ADD2: variants seen among roughly 807,000 people sequenced by gnomAD.
ADD2 encodes the protein adducin 2.
In ADD2, 23 loss-of-function variants were observed where a neutral mutation model predicts 83.0. That is an observed-to-expected ratio of 0.28 (90% CI 0.20 to 0.39). The LOEUF (loss-of-function observed/expected upper bound fraction) is 0.39. ADD2 is among the 10% of genes least tolerant of loss of function. The probability of loss-of-function intolerance (pLI) is 1.00; values close to 1 mark genes in which losing one functional copy is unlikely to be tolerated. For missense variants in ADD2, 758 were observed against 944.9 expected (o/e 0.80, Z 2.59); for synonymous variants, 375 against 375.4 (o/e 1.00, Z 0.01).
At chr2:70,710,125 A>T (rs1409812707) in intron 2 of ADD2, among the ~76,000 whole-genome samples, 1 of 152,234 alleles carries the variant, frequency 6.6e-6, no homozygotes, top group Non-Finnish European at 1.5e-5. Flanking sequence ...TTTTTAAAAC[A>T]GCAACAAGCA....
At chr2:70,729,243 A>G (rs1424266378) in intron 1 of ADD2, among the ~76,000 whole-genome samples, 2 of 152,094 alleles carry the variant, frequency 1.3e-5, no homozygotes, top group Non-Finnish European at 2.9e-5. Flanking sequence ...CCCACCATGC[A>G]CCATGTTCCT....
intron 2 of ADD2, among the ~76,000 whole-genome samples, chr2:70,708,709 T>C (rs1000175533): frequency 6.6e-6 from 1 of 152,192 alleles, no homozygotes; most frequent in African/African-American, 2.4e-5. Context: ...GCTGCCTCCT[T>C]ACATATTTTA....
chr2:70,717,738 T>G (rs1165194117), intron 1 of ADD2: 5 of 152,316 alleles, frequency 3.3e-5, no homozygotes, highest in African/African-American at 1.2e-4. Flanking sequence ...GCTGAGCTGC[T>G]GCTACTTTTA....
At chr2:70,700,827 A>C (rs1671550048) in intron 4 of ADD2, among the ~76,000 whole-genome samples, 1 of 152,112 alleles carries the variant, frequency 6.6e-6, no homozygotes, top group Middle Eastern at 3.2e-3. Context: ...AAAACTCCAT[A>C]AAATGGTTTA....
intron 4 of ADD2, 58 bp downstream of exon 4, chr2:70,704,263 T>TGGCCCCCCCCCCCCCCCCCCCCCCCCAA: frequency 1.1e-6 from 1 of 913,238 alleles, no homozygotes; most frequent in Non-Finnish European, 1.7e-6. Context: ...CTCCCTCTCT[T>TGGCCCCCCCCCCCCCCCCCCCCCCCCAA]CCCCACCCCA....
intron 1 of ADD2, among the ~76,000 whole-genome samples, chr2:70,724,665 C>T (rs1553377917): frequency 6.6e-6 from 1 of 152,228 alleles, no homozygotes; most frequent in Admixed American, 6.5e-5. Context: ...ACTTGGGCCC[C>T]CTCTCAAGGC....
At chr2:70,736,516 T>C (rs1384131528) in intron 1 of ADD2, among the ~76,000 whole-genome samples, 10 of 152,216 alleles carry the variant, frequency 6.6e-5, no homozygotes, top group East Asian at 1.9e-4. Flanking sequence ...CCAGGTTTCA[T>C]GGTATAAGCA....
intron 1 of ADD2, among the ~76,000 whole-genome samples, chr2:70,725,880 A>G (rs7558877): frequency 0.044 from 6,733 of 152,148 alleles, 486 homozygotes; most frequent in African/African-American, 0.15. Context: ...AAGGCCCCCA[A>G]TGATGCCAGT....
chr2:70,671,156 C>T (rs555699630), intron 15 of ADD2, among the ~76,000 whole-genome samples: 2 of 152,204 alleles, frequency 1.3e-5, no homozygotes, highest in South Asian at 2.1e-4. Flanking sequence ...CAGGCTCTAG[C>T]CCAAAACCTA....
At chr2:70,760,380 A>G (rs1283726923) in intron 1 of ADD2, among the ~76,000 whole-genome samples, 2 of 152,342 alleles carry the variant, frequency 1.3e-5, no homozygotes, top group East Asian at 1.9e-4. Context: ...GGATTCCCCA[A>G]TTTAGAGCAC....
chr2:70,765,547 C>G (rs1297663414), intron 1 of ADD2, among the ~76,000 whole-genome samples: 1 of 152,232 alleles, frequency 6.6e-6, no homozygotes, highest in Admixed American at 6.5e-5. Flanking sequence ...CAGACCACGT[C>G]TATCTGCTTT....
At chr2:70,738,541 G>C (rs1553380557) in intron 1 of ADD2, among the ~76,000 whole-genome samples, 1 of 152,152 alleles carries the variant, frequency 6.6e-6, no homozygotes, top group African/African-American at 2.4e-5. Context: ...AGAAAAGTGA[G>C]CAACCTTCCC....
intron 1 of ADD2, among the ~76,000 whole-genome samples, chr2:70,729,492 C>G (rs947636051): frequency 2.0e-5 from 3 of 152,174 alleles, no homozygotes; most frequent in Admixed American, 6.5e-5. Flanking sequence ...ACCTCTTCCC[C>G]ACCCCTTCAT....
chr2:70,733,626 TG>T (rs1673385917), intron 1 of ADD2, among the ~76,000 whole-genome samples: 1 of 152,156 alleles, frequency 6.6e-6, no homozygotes, highest in African/African-American at 2.4e-5. Context: ...AATGCAGATT[TG>T]GCTGAGTACC....
At chr2:70,687,566 G>C (rs1449810022) in intron 9 of ADD2, among the ~76,000 whole-genome samples, 1 of 151,206 alleles carries the variant, frequency 6.6e-6, no homozygotes, top group Non-Finnish European at 1.5e-5. Context: ...CATGTCCCTG[G>C]CCTTTGCAAA....
chr2:70,674,310 G>C (rs1670030748), intron 14 of ADD2, among the ~76,000 whole-genome samples: 1 of 152,210 alleles, frequency 6.6e-6, no homozygotes, highest in Non-Finnish European at 1.5e-5. Flanking sequence ...GTGTCAGCTG[G>C]TGGAGGGTTT....
chr2:70,677,021 A>C, intron 12 of ADD2, 136 bp from the exon 13 acceptor site: 1 of 1,374,120 alleles, frequency 7.3e-7, no homozygotes, highest in Non-Finnish European at 9.6e-7. Context: ...TCCTAATGCA[A>C]TCCTTGTACT....
intron 15 of ADD2, among the ~76,000 whole-genome samples, chr2:70,668,156 C>CT (rs1553366483): frequency 6.6e-6 from 1 of 152,202 alleles, no homozygotes. Flanking sequence ...GTTCTAGAGC[C>CT]TGGAGACAAC....
At chr2:70,752,268 G>A (rs2104533083) in intron 1 of ADD2, among the ~76,000 whole-genome samples, 1 of 152,154 alleles carries the variant, frequency 6.6e-6, no homozygotes, top group South Asian at 2.1e-4. Flanking sequence ...ATTAACTGCA[G>A]GTCTATGTAG....
Sources: allele counts gnomAD v4.1 joint callset (sites outside exome capture counted in the v4.1 genomes callset), GRCh38; gene constraint gnomAD v4.1.1; transcripts MANE v1.5; gene names NCBI Gene and HGNC (gene_info 2026-07-23, HGNC 2026-07-21).